The following SCYL2 variants were observed in gnomAD, a reference collection of about 807,000 sequenced individuals.
The protein encoded by SCYL2 is SCY1 like pseudokinase 2.
In SCYL2, 36 loss-of-function variants were observed where a neutral mutation model predicts 100.4. The ratio of observed to expected loss-of-function variants is 0.36; its 90% confidence interval spans 0.27 to 0.47. SCYL2 has a LOEUF of 0.47. Ranked by LOEUF, SCYL2 falls within the 20% of genes least tolerant of loss-of-function variation. SCYL2 has a pLI of 1.00. For synonymous variants in SCYL2, 330 were observed against 359.2 expected, an observed-to-expected ratio of 0.92 and a Z score of 0.92; for missense variants, 902 against 1,083.9, an observed-to-expected ratio of 0.83 and a Z score of 2.36.
At chr12:100,286,771 G>A (rs2096304887) in intron 2 of SCYL2, among the ~76,000 whole-genome samples, 1 of 151,524 alleles carries the variant, frequency 6.6e-6, no homozygotes, top group Admixed American at 6.6e-5. Flanking sequence ...ATATACAAAA[G>A]CATAATTAAA....
chr12:100,305,299 A>G (rs2096332911), intron 4 of SCYL2, among the ~76,000 whole-genome samples: 1 of 152,220 alleles, frequency 6.6e-6, no homozygotes, highest in South Asian at 2.1e-4. Flanking sequence ...ATCCTAACAA[A>G]CAGTCTCTCA....
At chr12:100,299,303 A>G (rs1023351585) in intron 4 of SCYL2, among the ~76,000 whole-genome samples, 7 of 152,330 alleles carry the variant, frequency 4.6e-5, no homozygotes, top group Admixed American at 1.3e-4. Flanking sequence ...AGTAGATTCT[A>G]AGTTCCTTTT....
rs1345855350 is a variant in SCYL2 at position 100,336,520 on chromosome 12, T to TG, written c.2025+615dup. ...TGTTTTCTCATAATTGGATTAAAGT[T>TG]GTACATTTTTGGCAGGCATACTACA... On this transcript the variant is annotated intron_variant, in intron 16 of 17. Coordinates refer to ENST00000360820, the MANE Select transcript of SCYL2 (RefSeq NM_017988.6). Among the ~76,000 whole-genome samples, 7 of 152,254 alleles carry TG rather than the reference T, an allele frequency of 4.6e-5. No homozygotes were observed. In the East Asian group the frequency reaches 1.3e-3, roughly 29 times the overall value.
intron 2 of SCYL2, among the ~76,000 whole-genome samples, chr12:100,288,924 C>G (rs897429763): frequency 6.6e-6 from 1 of 151,662 alleles, no homozygotes; most frequent in Admixed American, 6.6e-5. Flanking sequence ...CTGTGCTGCC[C>G]AGGCTCCAAA....
chr12:100,294,432 GC>G (rs2096315235), intron 3 of SCYL2, among the ~76,000 whole-genome samples: 9 of 94,220 alleles, frequency 9.6e-5, no homozygotes, highest in East Asian at 3.3e-4. Context: ...GGGCGGGGGG[GC>G]TCCTCACTTC....
intron 8 of SCYL2, 104 bp downstream of exon 8, chr12:100,314,718 G>T: frequency 2.5e-6 from 3 of 1,177,206 alleles, no homozygotes; most frequent in Non-Finnish European, 3.6e-6. Flanking sequence ...AACTTTGCCT[G>T]AGGTACATAA....
At chr12:100,303,728 C>A (rs1401575991) in intron 4 of SCYL2, among the ~76,000 whole-genome samples, 1 of 152,194 alleles carries the variant, frequency 6.6e-6, no homozygotes, top group Non-Finnish European at 1.5e-5. Flanking sequence ...AGTCAGGAGG[C>A]ACTGGGGTCA....
chr12:100,279,839 G>A (rs1264706588), intron 1 of SCYL2, among the ~76,000 whole-genome samples: 5 of 152,230 alleles, frequency 3.3e-5, no homozygotes, highest in Admixed American at 2.0e-4. Flanking sequence ...GCCAGACCTG[G>A]TGGAGTGTCA....
chr12:100,286,746 G>T (rs988403875), intron 2 of SCYL2, among the ~76,000 whole-genome samples: 1 of 151,622 alleles, frequency 6.6e-6, no homozygotes, highest in African/African-American at 2.4e-5. Flanking sequence ...CATGGATGAG[G>T]CTTGCTAATA....
intron 16 of SCYL2, among the ~76,000 whole-genome samples, 185 bp from the exon 17 acceptor site, chr12:100,337,202 A>T (rs1952288928): frequency 6.6e-6 from 1 of 152,104 alleles, no homozygotes; most frequent in South Asian, 2.1e-4. Flanking sequence ...AGATCCTGTG[A>T]GTTTTTATCT....
rs1482789736 is a variant in SCYL2, at chr12:100,323,658, T to G, written c.1509+20T>G. The G allele has an allele frequency of 7.2e-7, 1 of 1,381,378 alleles. No homozygotes were observed. The highest frequency in any genetic ancestry group is 1.0e-6 in the Non-Finnish European group (1 of 989,050). The allele number at this position is 1,381,378 out of a possible 1,614,324, so 85.6% of individuals were successfully genotyped here. On this transcript the variant is annotated intron_variant, in intron 11 of 17. Transcript: ENST00000360820. ...CTTGCGGTAAGTAATTGCATATTAA[T>G]TTTTGTTTTTCTTTTCACTTGTCAG...
intron 4 of SCYL2, among the ~76,000 whole-genome samples, chr12:100,303,612 C>T (rs1208916591): frequency 6.6e-6 from 1 of 152,198 alleles, no homozygotes; most frequent in Non-Finnish European, 1.5e-5. Context: ...AAGATTGCTG[C>T]CTAATCCTTC....
intron 3 of SCYL2, among the ~76,000 whole-genome samples, chr12:100,295,760 C>A (rs1040806052): frequency 6.7e-6 from 1 of 148,608 alleles, no homozygotes; most frequent in South Asian, 2.1e-4. Flanking sequence ...CGGGGGAGAC[C>A]GTGGGGAGAC....
chr12:100,276,806 T>C (rs1427542115), intron 1 of SCYL2, among the ~76,000 whole-genome samples: 1 of 152,082 alleles, frequency 6.6e-6, no homozygotes, highest in Non-Finnish European at 1.5e-5. Context: ...CTTATTTTAA[T>C]TTTCTCTTTT....
chr12:100,330,094 A>G (rs1441737556), intron 13 of SCYL2, among the ~76,000 whole-genome samples: 1 of 152,220 alleles, frequency 6.6e-6, no homozygotes, highest in African/African-American at 2.4e-5. Context: ...AGGGGATTCC[A>G]CAAGGGCATG....
chr12:100,315,754 G>T lies in SCYL2; in HGVS notation c.1272+20G>T. 1 of 1,563,446 alleles carries T rather than the reference G, an allele frequency of 6.4e-7. No individual in the cohort carries two copies. ...ATCCAGGTATGTTATAGATATTTTT[G>T]TGTATTTATCTACTGTTATTTATGA... On this transcript the variant is annotated intron_variant, in intron 9 of 17. Coordinates refer to ENST00000360820, the MANE Select transcript of SCYL2 (RefSeq NM_017988.6).
At chr12:100,281,833 CAAAA>C (rs550669839) in intron 1 of SCYL2, among the ~76,000 whole-genome samples, 2 of 59,338 alleles carry the variant, frequency 3.4e-5, no homozygotes, top group Non-Finnish European at 3.5e-5. Flanking sequence ...GACTCCGTCT[CAAAA>C]AAAAAAAAAA....
chr12:100,329,044 C>G (rs1247782358), intron 12 of SCYL2, among the ~76,000 whole-genome samples, 157 bp from the exon 13 acceptor site: 1 of 152,140 alleles, frequency 6.6e-6, no homozygotes, highest in Non-Finnish European at 1.5e-5. Flanking sequence ...TGAAATCATT[C>G]TGATTCATAT....
At chr12:100,315,463 T>C (rs2096347403) in intron 8 of SCYL2, 95 bp from the exon 9 acceptor site, 3 of 998,010 alleles carry the variant, frequency 3.0e-6, no homozygotes, top group Non-Finnish European at 4.2e-6. Context: ...TCACGTTACC[T>C]AAAGGGATTA....
Sources: gnomAD v4.1 joint callset for allele counts (sites outside exome capture counted in the v4.1 genomes callset) on GRCh38, gnomAD v4.1.1 for gene constraint, MANE v1.5 for transcripts, NCBI Gene and HGNC (gene_info 2026-07-23, HGNC 2026-07-21) for gene names.